The following ETS1 variants were observed in gnomAD, a reference collection of about 807,000 sequenced individuals.
ETS1 encodes protein C-ets-1.
ETS1 carries 15 observed loss-of-function variants against 58.6 expected under a neutral mutation model. The observed-to-expected ratio is 0.26, with a 90% CI of 0.17 to 0.39. ETS1 has a LOEUF of 0.39. Among genes scored for constraint, ETS1 ranks in the 10% least tolerant of loss-of-function variants. The pLI, the probability that ETS1 is intolerant of heterozygous loss-of-function variation, is 1.00. For missense variants in ETS1, 417 were observed against 610.5 expected, an observed-to-expected ratio of 0.68 and a Z score of 3.34; for synonymous variants, 214 against 218.2, an observed-to-expected ratio of 0.98 and a Z score of 0.17.
At chr11:128,516,638 G>T (rs1863532043) in intron 3 of ETS1, among the ~76,000 whole-genome samples, 1 of 152,154 alleles carries the variant, frequency 6.6e-6, no homozygotes, top group Non-Finnish European at 1.5e-5. Context: ...CAGCTGGCAG[G>T]TCTGCAGGTA....
chr11:128,475,463 A>T (rs1862295935), intron 8 of ETS1, among the ~76,000 whole-genome samples: 1 of 151,900 alleles, frequency 6.6e-6, no homozygotes, highest in African/African-American at 2.4e-5. Context: ...GTGTGACTTT[A>T]GACTGGCTCT....
chr11:128,555,633 A>C (rs147678099), intron 3 of ETS1, among the ~76,000 whole-genome samples: 2,574 of 152,330 alleles, frequency 0.017, 70 homozygotes, highest in African/African-American at 0.057. Context: ...AACAAACAAA[A>C]AAAAAACACT....
intron 3 of ETS1, among the ~76,000 whole-genome samples, chr11:128,494,643 TG>T (rs1862891069): frequency 6.6e-6 from 1 of 152,256 alleles, no homozygotes; most frequent in African/African-American, 2.4e-5. Flanking sequence ...GGGTGTTTCA[TG>T]TGTCTTTTCA....
chr11:128,493,110 C>T (rs1169694385), intron 3 of ETS1, among the ~76,000 whole-genome samples: 1 of 152,108 alleles, frequency 6.6e-6, no homozygotes, highest in Non-Finnish European at 1.5e-5. Context: ...ACAGGCCAGG[C>T]CAAATGGACA....
chr11:128,579,966 C>A (rs1292639675), intron 1 of ETS1, among the ~76,000 whole-genome samples: 1 of 151,796 alleles, frequency 6.6e-6, no homozygotes, highest in Admixed American at 6.6e-5. Context: ...AAGTTCATGA[C>A]ACTTCCTGTA....
chr11:128,472,969 C>T (rs1410932181), intron 8 of ETS1, among the ~76,000 whole-genome samples: 1 of 152,106 alleles, frequency 6.6e-6, no homozygotes, highest in Non-Finnish European at 1.5e-5. Context: ...CATGTGAAAA[C>T]CCTGAAAGTC....
At chr11:128,475,361 GT>G (rs1277811669) in intron 8 of ETS1, among the ~76,000 whole-genome samples, 6 of 152,164 alleles carry the variant, frequency 3.9e-5, no homozygotes, top group Non-Finnish European at 5.9e-5. Flanking sequence ...TCAAAAACAT[GT>G]TTTAGCAGTA....
chr11:128,470,086 C>T (rs1862144047), intron 8 of ETS1, among the ~76,000 whole-genome samples: 1 of 152,180 alleles, frequency 6.6e-6, no homozygotes, highest in Admixed American at 6.5e-5. Flanking sequence ...GATGAACAAA[C>T]AACAACTTTA....
chr11:128,485,376 C>T (rs11221325), intron 6 of ETS1, among the ~76,000 whole-genome samples: 27,112 of 152,122 alleles, frequency 0.18, 3,099 homozygotes, highest in Middle Eastern at 0.27. Context: ...ACATTCCCCA[C>T]ACAATAAGCT....
chr11:128,513,365 T>G (rs146203500), intron 3 of ETS1, among the ~76,000 whole-genome samples: 2 of 152,206 alleles, frequency 1.3e-5, no homozygotes, highest in East Asian at 3.9e-4. Flanking sequence ...ATGAAGAAAA[T>G]GAGGTGCATA....
intron 3 of ETS1, among the ~76,000 whole-genome samples, chr11:128,537,596 A>C (rs1385366587): frequency 6.6e-6 from 1 of 152,218 alleles, no homozygotes; most frequent in East Asian, 1.9e-4. Context: ...CCTGCACCCA[A>C]AACATTCAAA....
intron 5 of ETS1, among the ~76,000 whole-genome samples, chr11:128,487,148 G>C (rs1862655393): frequency 6.6e-6 from 1 of 152,166 alleles, no homozygotes; most frequent in Admixed American, 6.5e-5. Context: ...TTTTGCTGCT[G>C]TGTTGCTTTA....
intron 8 of ETS1, among the ~76,000 whole-genome samples, chr11:128,479,759 G>C (rs1862430692): frequency 6.6e-6 from 1 of 152,116 alleles, no homozygotes; most frequent in Admixed American, 6.5e-5. Context: ...TGCTGCAGAA[G>C]AGTCCAGTGC....
At chr11:128,480,599 C>T in intron 7 of ETS1, 148 bp from the exon 8 acceptor site, 1 of 627,746 alleles carries the variant, frequency 1.6e-6, no homozygotes, top group South Asian at 2.0e-5. Context: ...GGAACAGAAG[C>T]TTCAGGGGTC....
chr11:128,480,808 T>C (rs980143878), intron 7 of ETS1, among the ~76,000 whole-genome samples: 1 of 152,162 alleles, frequency 6.6e-6, no homozygotes, highest in Non-Finnish European at 1.5e-5. Context: ...TATGATATGA[T>C]TTCTGGCTGA....
At position 128,549,995 on chromosome 11, in the gene ETS1, A is replaced by G. The variant is rs1864204488; in HGVS notation, c.214+6296T>C. Reference sequence around the variant, plus strand: ...ACACCATGGCGAAAGGAAAAAGAAGAAAAGCAGCGTTTATTTATTGGTCCC... The same window carrying G: ...ACACCATGGCGAAAGGAAAAAGAAGGAAAGCAGCGTTTATTTATTGGTCCC... On this transcript the variant is annotated intron_variant, in intron 3 of 9. Coordinates refer to ENST00000392668, the MANE Select transcript of ETS1 (RefSeq NM_001143820.2). This position sits in a 1 kb window ranked among gnomAD's most constrained non-coding sequence, Gnocchi z 4.3. Among the ~76,000 whole-genome samples, 1 of 152,240 alleles carries G rather than the reference A, an allele frequency of 6.6e-6. No homozygotes were observed. Among genetic ancestry groups the G allele is most frequent in the South Asian group, 2.1e-4 (1 of 4,836 alleles).
chr11:128,484,761 A>G, intron 7 of ETS1, 62 bp downstream of exon 7: 1 of 1,519,444 alleles, frequency 6.6e-7, no homozygotes, highest in South Asian at 1.3e-5. Flanking sequence ...ACCTGAAAAA[A>G]ACTCACAAAG....
chr11:128,466,141 C>T (rs747583957), intron 8 of ETS1, among the ~76,000 whole-genome samples: 1 of 152,228 alleles, frequency 6.6e-6, no homozygotes, highest in Admixed American at 6.5e-5. Flanking sequence ...CACCAGTGGC[C>T]GTGCCAGGCC....
At chr11:128,587,116 A>G (rs1156379273) in intron 1 of ETS1, among the ~76,000 whole-genome samples, 1 of 152,100 alleles carries the variant, frequency 6.6e-6, no homozygotes, top group Non-Finnish European at 1.5e-5. Flanking sequence ...AGAGAATAAA[A>G]AGAAATTTAT....
Sources: allele counts gnomAD v4.1 joint callset (sites outside exome capture counted in the v4.1 genomes callset), GRCh38; gene constraint gnomAD v4.1.1; non-coding constraint Gnocchi (gnomAD v3.1); transcripts MANE v1.5; gene names NCBI Gene and HGNC (gene_info 2026-07-23, HGNC 2026-07-21).